The following PTPRT variants were observed in gnomAD, a reference collection of about 807,000 sequenced individuals.
PTPRT encodes protein tyrosine phosphatase receptor type T, also known as receptor-type tyrosine-protein phosphatase T.
Under a neutral mutation model 176.8 loss-of-function variants are expected in PTPRT, and 56 were observed. The observed-to-expected ratio is 0.32, with a 90% CI of 0.26 to 0.40. PTPRT has a LOEUF of 0.40. Ranked by LOEUF, PTPRT falls within the 10% of genes least tolerant of loss-of-function variation. The pLI, the probability that PTPRT is intolerant of heterozygous loss-of-function variation, is 1.00. For synonymous variants in PTPRT, 783 were observed against 739.0 expected (o/e 1.06, Z -0.96); for missense variants, 1,540 against 1,908.2 (o/e 0.81, Z 3.60).
chr20:43,060,237 T>G (rs2146250986), intron 1 of PTPRT, among the ~76,000 whole-genome samples: 1 of 152,162 alleles, frequency 6.6e-6, no homozygotes. Flanking sequence ...CAACATAAAT[T>G]TATTTCTCAC....
intron 14 of PTPRT, among the ~76,000 whole-genome samples, chr20:42,241,837 C>T (rs939535001): frequency 3.3e-5 from 5 of 151,982 alleles, no homozygotes; most frequent in African/African-American, 9.7e-5. Flanking sequence ...TTTCCCACCT[C>T]GATAAATCAC....
intron 9 of PTPRT, among the ~76,000 whole-genome samples, chr20:42,437,172 C>T (rs1428212646): frequency 3.9e-5 from 6 of 152,002 alleles, no homozygotes; most frequent in Middle Eastern, 3.2e-3. Context: ...TGGTGTGTTA[C>T]TGAAAAATTA....
intron 6 of PTPRT, among the ~76,000 whole-genome samples, chr20:42,745,070 T>C (rs2076673066): frequency 6.6e-6 from 1 of 152,222 alleles, no homozygotes; most frequent in Non-Finnish European, 1.5e-5. Context: ...TGCATTTACC[T>C]TTTGCTGTAT....
chr20:42,084,899 C>T (rs1983725927), intron 28 of PTPRT, 54 bp from the exon 29 acceptor site: 9 of 1,333,170 alleles, frequency 6.8e-6, no homozygotes, highest in Non-Finnish European at 7.8e-6. Flanking sequence ...TGCGTACATG[C>T]ACCTTGCAGA....
At position 42,346,450 on chromosome 20, in the gene PTPRT, A is replaced by C. The variant is rs528267431; in HGVS notation, c.1865+4178T>G. On this transcript the variant is annotated intron_variant, in intron 11 of 30. Transcript: ENST00000373187. ...AATATTAGATTCTAGTCACTATTTG[A>C]TTGATCTTTTAAGCAATTCTGGGAT... is the stretch of plus-strand genomic sequence containing the variant. Among the ~76,000 whole-genome samples the C allele has an allele frequency of 2.0e-5, 3 of 152,310 alleles. No individual in the cohort carries two copies. The East Asian group carries it at 5.8e-4, about 29-fold the overall frequency.
intron 13 of PTPRT, among the ~76,000 whole-genome samples, chr20:42,263,113 G>C (rs1336981556): frequency 6.6e-6 from 1 of 152,168 alleles, no homozygotes; most frequent in Non-Finnish European, 1.5e-5. Context: ...GATAAAAAAG[G>C]GATAGGCACT....
At chr20:42,214,067 T>C (rs922290173) in intron 15 of PTPRT, among the ~76,000 whole-genome samples, 1 of 152,172 alleles carries the variant, frequency 6.6e-6, no homozygotes, top group Non-Finnish European at 1.5e-5. Flanking sequence ...AGGAGTATTA[T>C]TAGTTCCATT....
chr20:42,096,989 T>C (rs1985325758), intron 27 of PTPRT, among the ~76,000 whole-genome samples: 1 of 152,124 alleles, frequency 6.6e-6, no homozygotes, highest in Non-Finnish European at 1.5e-5. Context: ...CAAACTCCAG[T>C]GGTCCCACAA....
At chr20:42,886,676 T>A (rs1473419403) in intron 1 of PTPRT, among the ~76,000 whole-genome samples, 2 of 152,198 alleles carry the variant, frequency 1.3e-5, no homozygotes, top group Non-Finnish European at 2.9e-5. Flanking sequence ...CATTTGACAA[T>A]AAGTTATATT....
chr20:42,858,704 C>A (rs539152339), intron 2 of PTPRT, among the ~76,000 whole-genome samples: 49 of 152,314 alleles, frequency 3.2e-4, no homozygotes, highest in Middle Eastern at 6.8e-3. Context: ...CAATAAATTT[C>A]TGTTGCTAAG....
rs1600876076 is a variant in PTPRT, at chr20:42,352,298, C to A, written c.1561-13G>T. 4.3e-6 allele frequency: 7 copies of A among 1,613,618 alleles called. No individual in the cohort carries two copies. The highest frequency in any genetic ancestry group is 5.1e-6 in the Non-Finnish European group (6 of 1,179,678). On this transcript the variant is annotated splice_polypyrimidine_tract_variant and intron_variant, in intron 9 of 30. Coordinates refer to ENST00000373187, the MANE Select transcript of PTPRT (RefSeq NM_007050.6). ...CCTTGTAGTTGATCTGTAGGACAAG[C>A]CAGCAAACAAACAAACAAATAAATG...
At chr20:42,321,403 A>C (rs925906793) in intron 11 of PTPRT, among the ~76,000 whole-genome samples, 2 of 152,214 alleles carry the variant, frequency 1.3e-5, no homozygotes, top group African/African-American at 4.8e-5. Context: ...GCAGCTACAA[A>C]ATCATAAACC....
At chr20:42,300,170 A>T (rs1429920180) in intron 12 of PTPRT, among the ~76,000 whole-genome samples, 2 of 151,250 alleles carry the variant, frequency 1.3e-5, no homozygotes, top group Non-Finnish European at 2.9e-5. Context: ...AGGCAGGAGA[A>T]TCACTTGAAC....
intron 9 of PTPRT, among the ~76,000 whole-genome samples, chr20:42,440,818 A>G (rs900523408): frequency 6.6e-6 from 1 of 152,128 alleles, no homozygotes; most frequent in Non-Finnish European, 1.5e-5. Context: ...AGGCTAGAGA[A>G]CTGGGGAAAG....
chr20:42,766,015 C>T (rs540222507), intron 5 of PTPRT, among the ~76,000 whole-genome samples: 1 of 152,262 alleles, frequency 6.6e-6, no homozygotes, highest in South Asian at 2.1e-4. Context: ...ATATTTAAGG[C>T]TTTGGATATC....
chr20:42,655,007 G>C (rs2075099808), intron 7 of PTPRT, among the ~76,000 whole-genome samples: 1 of 152,122 alleles, frequency 6.6e-6, no homozygotes, highest in Non-Finnish European at 1.5e-5. Context: ...ACAATTCAAT[G>C]GATCCAATCA....
intron 1 of PTPRT, among the ~76,000 whole-genome samples, chr20:43,040,455 T>A (rs1986559004): frequency 6.6e-6 from 1 of 152,222 alleles, no homozygotes. Context: ...CAATAAATAT[T>A]TTTAAAATAC....
intron 7 of PTPRT, among the ~76,000 whole-genome samples, chr20:42,614,799 G>A (rs558077556): frequency 1.3e-5 from 2 of 152,098 alleles, no homozygotes; most frequent in Non-Finnish European, 2.9e-5. Flanking sequence ...GTTCCACATG[G>A]CTGGGGAGGC....
intron 1 of PTPRT, among the ~76,000 whole-genome samples, chr20:43,058,550 G>T (rs1987331411): frequency 6.6e-6 from 1 of 152,192 alleles, no homozygotes; most frequent in Non-Finnish European, 1.5e-5. Flanking sequence ...ATAGGCCCAG[G>T]CCTCTGTAAC....
Sources: allele counts gnomAD v4.1 joint callset (sites outside exome capture counted in the v4.1 genomes callset), GRCh38; gene constraint gnomAD v4.1.1; transcripts MANE v1.5; gene names NCBI Gene and HGNC (gene_info 2026-07-23, HGNC 2026-07-21).